The following DNAH7 variants were observed in gnomAD, a reference collection of about 807,000 sequenced individuals.
DNAH7 encodes axonemal beta dynein heavy chain 7.
Under a neutral mutation model 444.6 loss-of-function variants are expected in DNAH7, and 397 were observed. That is an observed-to-expected ratio of 0.89 (90% CI 0.82 to 0.97). The LOEUF (loss-of-function observed/expected upper bound fraction) is 0.97, where lower values mean the gene tolerates loss of function less well. Among genes scored for constraint, DNAH7 ranks in the 50% least tolerant of loss-of-function variants. The pLI, the probability that DNAH7 is intolerant of heterozygous loss-of-function variation, is 0.00. For missense variants in DNAH7, 4,902 were observed against 4,800.8 expected (o/e 1.02, Z -0.62); for synonymous variants, 1,636 against 1,624.4 (o/e 1.01, Z -0.17).
intron 48 of DNAH7, among the ~76,000 whole-genome samples, chr2:195,827,190 C>T (rs748371087): frequency 6.6e-6 from 1 of 152,156 alleles, no homozygotes; most frequent in Non-Finnish European, 1.5e-5. Flanking sequence ...GCACTCATTG[C>T]CACATGTGCT....
intron 1 of DNAH7, among the ~76,000 whole-genome samples, chr2:196,067,658 T>C (rs1198625186): frequency 6.6e-6 from 1 of 152,188 alleles, no homozygotes; most frequent in African/African-American, 2.4e-5. Flanking sequence ...CTTCACATAG[T>C]TCTGTTAGTA....
At position 195,857,424 on chromosome 2, in the gene DNAH7, C is replaced by T. The variant is rs114311229; in HGVS notation, c.8367G>A (p.Ala2789=). The T allele has an allele frequency of 3.1e-3, 5,038 of 1,609,858 alleles. 135 individuals carry two copies. In the African/African-American group the frequency reaches 0.058, roughly 18 times the overall value. Residue 2789 remains alanine (A), a synonymous_variant, in exon 44 of 65, where the codon GCG becomes GCA. Coordinates refer to ENST00000312428, the MANE Select transcript of DNAH7 (RefSeq NM_018897.3). ...TGACCCATTTGCACAGACCTTCGGC[C>T]GCTGTAGAAGCATTTCTGATTTTTT... ...VPEKIRNAST[A]AEGLCKWVIA...
Position 195,754,509 on chromosome 2 carries a change from C to A in DNAH7, c.11592G>T (p.Trp3864Cys), listed in dbSNP as rs1401837538. ...FLARLKFLQQ[W>C]YEVGPPPVFW... is the part of the protein sequence containing the mutation. ...AGACTGGAGGAGGACCAACCTCATA[C>A]CATTGCTAGGGTGTAAAACACAAGT... Residue 3864 changes from tryptophan (W) to cysteine (C), a missense_variant, in exon 63 of 65, where the codon TGG (tryptophan) becomes TGT (cysteine). Trp to Cys is a radical substitution (Grantham distance 215). Transcript: ENST00000312428. 1.9e-6 allele frequency: 3 copies of A among 1,613,810 alleles called. No homozygotes were observed. Among genetic ancestry groups the A allele is most frequent in the Admixed American group, 3.3e-5 (2 of 59,970 alleles).
Position 195,857,565 on chromosome 2 carries a change from A to G in DNAH7, c.8226T>C (p.Leu2742=). The change falls in exon 44 of 65, where the codon CTT becomes CTC. Residue 2742 remains leucine (L), a synonymous_variant. Coordinates refer to ENST00000312428, the MANE Select transcript of DNAH7 (RefSeq NM_018897.3). ...IEDFWGPAKR[L]LGDMRFLQSL... The stretch of plus-strand genomic sequence containing the variant: ...ACTGCAGAAACCTCATGTCACCAAG[A>G]AGTCTCTTAGCTGGGCCCCAGAAAT... The G allele has an allele frequency of 6.2e-7, 1 of 1,613,952 alleles. No individual in the cohort carries two copies. The highest frequency in any genetic ancestry group is 8.5e-7 in the Non-Finnish European group (1 of 1,179,920).
At chr2:196,022,442 T>C (rs1396762301) in intron 8 of DNAH7, among the ~76,000 whole-genome samples, 6 of 152,358 alleles carry the variant, frequency 3.9e-5, no homozygotes, top group South Asian at 4.1e-4. Context: ...ACTAAGCTTA[T>C]GTAATATTCT....
Position 195,738,142 on chromosome 2 carries a change from A to C in DNAH7, c.11869-15T>G. The C allele has an allele frequency of 6.2e-7, 1 of 1,607,608 alleles. No homozygotes were observed. The highest frequency in any genetic ancestry group is 1.1e-5 in the South Asian group (1 of 90,852). ...TTTAGCCACATCTGGAAGAAAGTAC[A>C]TAACACCTCTTTAAGTCAAGGCTGT... is the stretch of plus-strand genomic sequence containing the variant. On this transcript the variant is annotated splice_polypyrimidine_tract_variant and intron_variant, in intron 64 of 64. Transcript: ENST00000312428.
intron 46 of DNAH7, 125 bp downstream of exon 46, chr2:195,853,218 C>A: frequency 1.3e-6 from 1 of 755,524 alleles, no homozygotes; most frequent in South Asian, 3.7e-5. Context: ...AAGCAGAAAT[C>A]ATGCAAAAAT....
At position 196,054,406 on chromosome 2, in the gene DNAH7, C is replaced by T. The variant is rs143180798; in HGVS notation, c.79-3157G>A. On this transcript the variant is annotated intron_variant, in intron 2 of 64. Transcript: ENST00000312428. Reference sequence around the variant, plus strand: ...CTGGGTATGGTGGTGCCTGTGGTCCCGGTTACTCAGGAGGCTGAGGAGGGA... The same window carrying T: ...CTGGGTATGGTGGTGCCTGTGGTCCTGGTTACTCAGGAGGCTGAGGAGGGA... 9.9e-5 allele frequency among the ~76,000 whole-genome samples: 15 copies of T among 152,042 alleles called. No individual in the cohort carries two copies. The East Asian group carries it at 2.5e-3, about 25-fold the overall frequency.
intron 24 of DNAH7, among the ~76,000 whole-genome samples, chr2:195,920,749 C>T (rs937780126): frequency 1.1e-4 from 17 of 152,168 alleles, no homozygotes; most frequent in Admixed American, 1.1e-3. Context: ...AGCTTCTGCA[C>T]ATCAAAAGAA....
Position 195,887,409 on chromosome 2 carries a change from T to C in DNAH7, c.5406+849A>G, listed in dbSNP as rs565856196. ...TTGAAAGAGCAGGGTGGAAGACACA[T>C]CACTTCCTTCAGATGTTCTTCCCTC... On this transcript the variant is annotated intron_variant, in intron 33 of 64. Coordinates refer to ENST00000312428, the MANE Select transcript of DNAH7 (RefSeq NM_018897.3). Among the ~76,000 whole-genome samples the C allele has an allele frequency of 5.9e-5, 9 of 152,268 alleles. No homozygotes were observed. In the South Asian group the frequency reaches 1.2e-3, roughly 21 times the overall value.
intron 12 of DNAH7, among the ~76,000 whole-genome samples, chr2:195,992,324 A>T (rs1490052550): frequency 6.6e-6 from 1 of 152,186 alleles, no homozygotes; most frequent in East Asian, 1.9e-4. Flanking sequence ...TGAAGGGAGG[A>T]GACCACAGGT....
At chr2:195,894,397 T>C (rs1358088603) in intron 30 of DNAH7, 1 of 152,206 alleles carries the variant, frequency 6.6e-6, no homozygotes, top group Non-Finnish European at 1.5e-5. Context: ...AAACCTCATA[T>C]AGGATATGAA....
At chr2:195,748,442 A>G (rs1206744936) in intron 63 of DNAH7, among the ~76,000 whole-genome samples, 1 of 152,236 alleles carries the variant, frequency 6.6e-6, no homozygotes, top group Non-Finnish European at 1.5e-5. Context: ...TGCTATCCCC[A>G]TCAAGCTACC....
At chr2:195,939,540 G>C (rs544661232) in intron 19 of DNAH7, among the ~76,000 whole-genome samples, 18 of 152,182 alleles carry the variant, frequency 1.2e-4, no homozygotes, top group African/African-American at 4.3e-4. Context: ...ATAAGATGTT[G>C]TAACAGGAAG....
Position 196,019,258 on chromosome 2 carries a change from A to G in DNAH7, c.781T>C (p.Leu261=). ...TCCCTAATATAACTGCTTGCAGCTA[A>G]AAAAGATTTCCTCCAAGGTTTTGGC... ...ILPKPWRKSF[L]AASSYIRDHL... Residue 261 remains leucine (L), a synonymous_variant, in exon 9 of 65, where the codon TTA becomes CTA. Coordinates refer to ENST00000312428, the MANE Select transcript of DNAH7 (RefSeq NM_018897.3). The G allele has an allele frequency of 2.0e-6, 3 of 1,508,568 alleles. No individual in the cohort carries two copies. Among genetic ancestry groups the G allele is most frequent in the South Asian group, 2.8e-5 (2 of 71,526 alleles). The allele number at this position is 1,508,568 out of a possible 1,614,324, so 93.4% of individuals were successfully genotyped here.
Position 196,024,530 on chromosome 2 carries a change from T to A in DNAH7, c.668-26A>T, listed in dbSNP as rs372616932. 4.3e-6 allele frequency: 6 copies of A among 1,382,506 alleles called. No individual in the cohort carries two copies. In the Admixed American group the frequency reaches 6.5e-5, roughly 15 times the overall value. 85.6% of individuals were successfully genotyped at this position (1,382,506 alleles called of 1,614,324 possible). On this transcript the variant is annotated intron_variant, in intron 7 of 64. Transcript: ENST00000312428. ...CTAAAAGAAAATTTTAAAATTCTGATAAATAACCTTATATTAACTGTAGTA... is the reference window on the plus strand; with the variant it reads ...CTAAAAGAAAATTTTAAAATTCTGAAAAATAACCTTATATTAACTGTAGTA...
intron 19 of DNAH7, among the ~76,000 whole-genome samples, chr2:195,953,661 C>CT (rs548029460): frequency 2.0e-5 from 3 of 152,346 alleles, no homozygotes; most frequent in Admixed American, 2.0e-4. Context: ...GAGAGACAGT[C>CT]TGTCTACAGC....
intron 24 of DNAH7, among the ~76,000 whole-genome samples, chr2:195,920,629 T>C (rs911141400): frequency 6.6e-6 from 1 of 152,160 alleles, no homozygotes; most frequent in African/African-American, 2.4e-5. Context: ...TAAGCTAACA[T>C]TGGAAAAATC....
At chr2:195,865,110 A>C in intron 40 of DNAH7, 89 bp from the exon 41 acceptor site, 1 of 1,303,576 alleles carries the variant, frequency 7.7e-7, no homozygotes, top group Non-Finnish European at 1.0e-6. Context: ...AGGTAATAAA[A>C]ATATTAGAAA....
Sources: allele counts gnomAD v4.1 joint callset (sites outside exome capture counted in the v4.1 genomes callset), GRCh38; gene constraint gnomAD v4.1.1; transcripts MANE v1.5; gene names NCBI Gene and HGNC (gene_info 2026-07-23, HGNC 2026-07-21).